Variants in ONECUT1 observed in about 807,000 individuals in gnomAD.
ONECUT1 encodes hepatocyte nuclear factor 6.
ONECUT1 carries 12 observed loss-of-function variants against 25.6 expected under a neutral mutation model. That is an observed-to-expected ratio of 0.47 (90% confidence interval 0.30 to 0.76). The LOEUF (loss-of-function observed/expected upper bound fraction) is 0.76. Ranked by LOEUF, ONECUT1 falls within the 30% of genes least tolerant of loss-of-function variation. The pLI, the probability that ONECUT1 is intolerant of heterozygous loss-of-function variation, is 0.07. For synonymous variants in ONECUT1, 285 were observed against 270.2 expected, an observed-to-expected ratio of 1.05 and a Z score of -0.54; for missense variants, 620 against 651.2, an observed-to-expected ratio of 0.95 and a Z score of 0.52.
At chr15:52,768,333 A>G (rs913512738) in intron 1 of ONECUT1, among the ~76,000 whole-genome samples, 4 of 152,222 alleles carry the variant, frequency 2.6e-5, no homozygotes, top group South Asian at 2.1e-4. Context: ...TTATGTATCC[A>G]TAATTAAAAA....
intron 1 of ONECUT1, among the ~76,000 whole-genome samples, chr15:52,778,908 AG>A (rs1455437186): frequency 6.6e-6 from 1 of 152,212 alleles, no homozygotes; most frequent in Admixed American, 6.5e-5. Flanking sequence ...AGGCCCAGAA[AG>A]GTTAAATTAC....
rs1310218558 is a variant in ONECUT1 at position 52,782,049 on chromosome 15, CTTTTA to C, written c.1105+6726_1105+6730del. Reference sequence around the variant, plus strand: ...GAAGAAAATTTCTTTTTTTCTTCAACTTTTATTTTGAGTTCCAGGGTACATGTGCA... The same window carrying C: ...GAAGAAAATTTCTTTTTTTCTTCAACTTTTGAGTTCCAGGGTACATGTGCA... On this transcript the variant is annotated intron_variant, in intron 1 of 1. Coordinates refer to ENST00000305901, the MANE Select transcript of ONECUT1 (RefSeq NM_004498.4). Among the ~76,000 whole-genome samples the C allele has an allele frequency of 4.6e-5, 7 of 152,204 alleles. No homozygotes were observed. The East Asian group carries it at 1.2e-3, about 25-fold the overall frequency.
At position 52,788,571 on chromosome 15, in the gene ONECUT1, C is replaced by T. The variant is rs1398521265; in HGVS notation, c.1105+209G>A. Reference sequence around the variant, plus strand: ...GGCCCGGCCGCTTAGCTCTCGGAGCCTTCCACAGCCCAACACCCTGAGCCC... The same window carrying T: ...GGCCCGGCCGCTTAGCTCTCGGAGCTTTCCACAGCCCAACACCCTGAGCCC... On this transcript the variant is annotated intron_variant, in intron 1 of 1. Transcript: ENST00000305901. This position sits in a 1 kb window ranked among gnomAD's most constrained non-coding sequence, Gnocchi z 4.3. 1.8e-6 allele frequency: 1 copy of T among 549,850 alleles called. No homozygotes were observed. The highest frequency in any genetic ancestry group is 2.8e-5 in the East Asian group (1 of 35,226). The allele number at this position is 549,850 out of a possible 1,614,324, so 34.1% of individuals were successfully genotyped here.
chr15:52,761,553 C>T (rs1020463792), intron 1 of ONECUT1, among the ~76,000 whole-genome samples: 3 of 152,172 alleles, frequency 2.0e-5, no homozygotes, highest in African/African-American at 7.2e-5. Context: ...TGCCTGTAAT[C>T]CCAGCTACTT....
chr15:52,769,707 T>C (rs1053111013), intron 1 of ONECUT1, among the ~76,000 whole-genome samples: 5 of 152,008 alleles, frequency 3.3e-5, no homozygotes, highest in Non-Finnish European at 5.9e-5. Flanking sequence ...GGGTGGAACA[T>C]TGAAATTAGT....
intron 1 of ONECUT1, among the ~76,000 whole-genome samples, chr15:52,772,190 C>G (rs909796501): frequency 2.0e-5 from 3 of 151,898 alleles, no homozygotes; most frequent in East Asian, 1.9e-4. Context: ...GTCAGGAGAT[C>G]GAGACCATCC....
intron 1 of ONECUT1, among the ~76,000 whole-genome samples, chr15:52,774,102 T>C (rs371535804): frequency 7.1e-6 from 1 of 141,450 alleles, no homozygotes; most frequent in South Asian, 2.3e-4. Context: ...TACCATCCCA[T>C]AGGGAAAAGA....
intron 1 of ONECUT1, among the ~76,000 whole-genome samples, chr15:52,758,188 C>T (rs1289703323): frequency 6.6e-6 from 1 of 152,164 alleles, no homozygotes; most frequent in Non-Finnish European, 1.5e-5. Context: ...ACCTTTATTT[C>T]TTCATCCTCA....
At chr15:52,760,673 T>C (rs2083700848) in intron 1 of ONECUT1, among the ~76,000 whole-genome samples, 1 of 152,050 alleles carries the variant, frequency 6.6e-6, no homozygotes, top group Non-Finnish European at 1.5e-5. Context: ...AGTAGATTGG[T>C]ATTTGTGAGG....
chr15:52,787,438 G>A (rs2083883355), intron 1 of ONECUT1, among the ~76,000 whole-genome samples: 1 of 152,128 alleles, frequency 6.6e-6, no homozygotes. Context: ...AGGGGGCTTT[G>A]GCCTCACGCT....
chr15:52,779,229 G>T (rs1225485891), intron 1 of ONECUT1, among the ~76,000 whole-genome samples: 1 of 151,894 alleles, frequency 6.6e-6, no homozygotes, highest in African/African-American at 2.4e-5. Context: ...GACTACAGGT[G>T]CAGGCCACCA....
In ONECUT1 at chr15:52,756,088, T is replaced by C. The variant is rs2141441933; in HGVS notation, c.*1467A>G. On this transcript the variant is annotated 3_prime_UTR_variant, in exon 2 of 2. Transcript: ENST00000305901. ...GGCTATTCTTAGTTCCATAAATTGA[T>C]TAATACCAATAGATCAAAAGTCTTG... Among the ~76,000 whole-genome samples the C allele has an allele frequency of 6.6e-6, 1 of 152,306 alleles. No individual in the cohort carries two copies. Among genetic ancestry groups the C allele is most frequent in the South Asian group, 2.1e-4 (1 of 4,824 alleles).
At position 52,775,189 on chromosome 15, in the gene ONECUT1, A is replaced by AG. The variant is rs533906353; in HGVS notation, c.1105+13590_1105+13591insC. 2.7e-3 allele frequency among the ~76,000 whole-genome samples: 404 copies of AG among 150,908 alleles called. 6 individuals are homozygous for AG. The highest frequency in any genetic ancestry group is 9.5e-3 in the African/African-American group (392 of 41,054). On this transcript the variant is annotated intron_variant, in intron 1 of 1. Coordinates refer to ENST00000305901, the MANE Select transcript of ONECUT1 (RefSeq NM_004498.4). ...TGGGTGACAGAGCAAGACTGTCTAA[A>AG]AAAAAAAAAAAAGAGCTAGAATAAG...
chr15:52,766,757 A>T (rs1364575033), intron 1 of ONECUT1, among the ~76,000 whole-genome samples: 1 of 152,192 alleles, frequency 6.6e-6, no homozygotes, highest in East Asian at 1.9e-4. Flanking sequence ...GCGGGAGCAG[A>T]GGGCCTTGGC....
At position 52,789,181 on chromosome 15, in the gene ONECUT1, G is replaced by A. The variant is rs1369073807; in HGVS notation, c.704C>T (p.Thr235Met). The A allele has an allele frequency of 6.3e-7, 1 of 1,583,204 alleles. No individual in the cohort carries two copies. Among genetic ancestry groups the A allele is most frequent in the Non-Finnish European group, 8.6e-7 (1 of 1,168,590 alleles). Reference sequence around the variant, plus strand: ...GGGCACCATGCCGGCCGAGGTGGGCGTGAGGTGCTGCTCCCCGTGGCGGCC... The same window carrying A: ...GGGCACCATGCCGGCCGAGGTGGGCATGAGGTGCTGCTCCCCGTGGCGGCC... ...MLGRHGEQHL[T>M]PTSAGMVPIN... is the part of the protein sequence containing the mutation. Residue 235 changes from threonine (T) to methionine (M), a missense_variant, in exon 1 of 2, where the codon ACG becomes ATG. This residue lies in a region of ONECUT1 where 440 missense variants were observed against 404.9 expected (regional missense o/e 1.09). Transcript: ENST00000305901. This position sits in a 1 kb window ranked among gnomAD's most constrained non-coding sequence, Gnocchi z 4.1.
chr15:52,777,354 TC>T (rs141434038), intron 1 of ONECUT1, among the ~76,000 whole-genome samples: 1 of 151,712 alleles, frequency 6.6e-6, no homozygotes, highest in African/African-American at 2.4e-5. Context: ...GCACATATTC[TC>T]CCCCCTTCTC....
intron 1 of ONECUT1, chr15:52,780,766 G>C (rs773783624): frequency 1.8e-4 from 253 of 1,425,868 alleles, no homozygotes; most frequent in Non-Finnish European, 2.2e-4. Flanking sequence ...CAACAGGAAA[G>C]AAAGCAAAAA....
At position 52,784,125 on chromosome 15, in the gene ONECUT1, C is replaced by T. The variant is rs965228663; in HGVS notation, c.1105+4655G>A. Among the ~76,000 whole-genome samples the T allele has an allele frequency of 6.6e-6, 1 of 151,332 alleles. No homozygotes were observed. Among genetic ancestry groups the T allele is most frequent in the African/African-American group, 2.4e-5 (1 of 41,322 alleles). On this transcript the variant is annotated intron_variant, in intron 1 of 1. Coordinates refer to ENST00000305901, the MANE Select transcript of ONECUT1 (RefSeq NM_004498.4). The surrounding 1 kb of genome is among the most constrained non-coding windows in gnomAD (Gnocchi z 5.0). ...CCGCAGCCGCAGCACAGCCCGGCTA[C>T]CCCCAGAAAGGGAGCCGAATGGAGG...
chr15:52,780,708 T>C, intron 1 of ONECUT1: 1 of 1,507,784 alleles, frequency 6.6e-7, no homozygotes, highest in Non-Finnish European at 8.8e-7. Context: ...GGTGGCGCGC[T>C]TCGCTCGTTT....
Sources: allele counts gnomAD v4.1 joint callset (sites outside exome capture counted in the v4.1 genomes callset), GRCh38; gene constraint gnomAD v4.1.1; regional missense constraint gnomAD v4.1.1; non-coding constraint Gnocchi (gnomAD v3.1); transcripts MANE v1.5; gene names NCBI Gene and HGNC (gene_info 2026-07-23, HGNC 2026-07-21).